The following FGF10 variants were observed in gnomAD, a reference collection of about 807,000 sequenced individuals.
FGF10 encodes the protein fibroblast growth factor 10, also known as FGF-10.
FGF10 carries 2 observed loss-of-function variants against 19.8 expected under a neutral mutation model. That is an observed-to-expected ratio of 0.10 (90% CI 0.04 to 0.32). The LOEUF (loss-of-function observed/expected upper bound fraction) is 0.32. Among genes scored for constraint, FGF10 ranks in the 10% least tolerant of loss-of-function variants. FGF10 has a pLI of 1.00. For missense variants in FGF10, 191 were observed against 246.3 expected, an observed-to-expected ratio of 0.78 and a Z score of 1.50; for synonymous variants, 112 against 94.0, an observed-to-expected ratio of 1.19 and a Z score of -1.10.
At chr5:44,369,519 GACTGTCATTT>G (rs1741698457) in intron 1 of FGF10, among the ~76,000 whole-genome samples, 1 of 152,114 alleles carries the variant, frequency 6.6e-6, no homozygotes, top group Admixed American at 6.5e-5. Flanking sequence ...TTGTTTACAC[GACTGTCATTT>G]GGTGTAGCAT....
At chr5:44,343,084 A>G (rs1385255809) in intron 1 of FGF10, among the ~76,000 whole-genome samples, 1 of 152,022 alleles carries the variant, frequency 6.6e-6, no homozygotes, top group African/African-American at 2.4e-5. Context: ...TAACTCGTCT[A>G]GAGTTTATAG....
chr5:44,344,886 C>CT (rs1170946845), intron 1 of FGF10, among the ~76,000 whole-genome samples: 2 of 150,338 alleles, frequency 1.3e-5, no homozygotes, highest in Non-Finnish European at 2.9e-5. Flanking sequence ...TTGTAGTTTC[C>CT]CTGATTCAAG....
chr5:44,311,573 C>T (rs1271771897), intron 1 of FGF10, among the ~76,000 whole-genome samples: 1 of 151,998 alleles, frequency 6.6e-6, no homozygotes, highest in African/African-American at 2.4e-5. Flanking sequence ...CATAATAGTA[C>T]CTCCCTCATA....
intron 2 of FGF10, 118 bp downstream of exon 2, chr5:44,310,309 T>C (rs1740180804): frequency 1.4e-6 from 1 of 709,414 alleles, no homozygotes; most frequent in South Asian, 1.5e-5. Context: ...TAACCCACTG[T>C]GGCTCTATTT....
At chr5:44,323,922 A>G (rs1446656130) in intron 1 of FGF10, among the ~76,000 whole-genome samples, 1 of 152,168 alleles carries the variant, frequency 6.6e-6, no homozygotes, top group African/African-American at 2.4e-5. Flanking sequence ...AATTGGTGCT[A>G]CAAAATCAAC....
At chr5:44,349,473 A>ATAT (rs1561210430) in intron 1 of FGF10, among the ~76,000 whole-genome samples, 3 of 23,230 alleles carry the variant, frequency 1.3e-4, no homozygotes, top group Non-Finnish European at 2.4e-4. Flanking sequence ...TATATATCAG[A>ATAT]ATATATATAT....
chr5:44,305,709 T>C (rs2111669336), intron 2 of FGF10, among the ~76,000 whole-genome samples: 1 of 152,228 alleles, frequency 6.6e-6, no homozygotes, highest in African/African-American at 2.4e-5. Context: ...ACCACAATAG[T>C]TCTGCATAAC....
intron 1 of FGF10, among the ~76,000 whole-genome samples, chr5:44,384,200 T>G (rs1742049245): frequency 4.6e-5 from 7 of 152,112 alleles, no homozygotes; most frequent in Admixed American, 4.6e-4. Flanking sequence ...CCCTCAGCTG[T>G]AAACAATTAC....
At chr5:44,368,832 A>T (rs907512277) in intron 1 of FGF10, among the ~76,000 whole-genome samples, 27 of 151,416 alleles carry the variant, frequency 1.8e-4, no homozygotes, top group Non-Finnish European at 3.4e-4. Flanking sequence ...TGATTGGCTA[A>T]TTTTTTTTTA....
intron 1 of FGF10, among the ~76,000 whole-genome samples, chr5:44,334,179 C>A (rs1439125978): frequency 6.6e-6 from 1 of 152,020 alleles, no homozygotes; most frequent in Non-Finnish European, 1.5e-5. Context: ...CTTTGTTATG[C>A]CCCATTTTTT....
intron 1 of FGF10, among the ~76,000 whole-genome samples, chr5:44,354,453 A>G (rs555943382): frequency 4.0e-5 from 6 of 151,654 alleles, no homozygotes; most frequent in African/African-American, 1.4e-4. Flanking sequence ...ACTAAAGGAC[A>G]GTTATGTGGG....
At chr5:44,366,494 C>T (rs1196518315) in intron 1 of FGF10, among the ~76,000 whole-genome samples, 2 of 151,872 alleles carry the variant, frequency 1.3e-5, no homozygotes, top group South Asian at 2.1e-4. Context: ...TATGGGCTGA[C>T]GCTTTAAGGG....
chr5:44,366,833 G>T (rs1400401354), intron 1 of FGF10, among the ~76,000 whole-genome samples: 1 of 151,938 alleles, frequency 6.6e-6, no homozygotes, highest in Non-Finnish European at 1.5e-5. Context: ...ATATAGATGT[G>T]GGAGTTTAAT....
At chr5:44,335,225 C>T (rs17234268) in intron 1 of FGF10, among the ~76,000 whole-genome samples, 2 of 151,962 alleles carry the variant, frequency 1.3e-5, no homozygotes, top group African/African-American at 4.8e-5. Context: ...ACAATGATCA[C>T]TCACCAAGAG....
intron 1 of FGF10, among the ~76,000 whole-genome samples, chr5:44,385,974 C>T (rs1433363107): frequency 6.6e-6 from 1 of 152,124 alleles, no homozygotes; most frequent in Non-Finnish European, 1.5e-5. Flanking sequence ...GAACCCCTCC[C>T]CTTTCACTGT....
intron 1 of FGF10, among the ~76,000 whole-genome samples, chr5:44,356,702 T>C (rs917608885): frequency 2.6e-5 from 4 of 151,420 alleles, no homozygotes; most frequent in Admixed American, 6.6e-5. Context: ...AGTCAGACTC[T>C]TCTAGTGAAA....
chr5:44,355,910 A>C (rs1037914832), intron 1 of FGF10, among the ~76,000 whole-genome samples: 3 of 151,576 alleles, frequency 2.0e-5, no homozygotes, highest in African/African-American at 2.4e-5. Flanking sequence ...TGATCCACTA[A>C]TACTTTAACA....
Position 44,348,916 on chromosome 5 carries a change from A to T in FGF10, c.326-38386T>A, listed in dbSNP as rs141994649. Among the ~76,000 whole-genome samples the T allele has an allele frequency of 6.6e-5, 10 of 151,556 alleles. No homozygotes were observed. The East Asian group carries it at 2.0e-3, about 30-fold the overall frequency. On this transcript the variant is annotated intron_variant, in intron 1 of 2. Coordinates refer to ENST00000264664, the MANE Select transcript of FGF10 (RefSeq NM_004465.2). ...ATGCTCAATCTTATGTGTCCACTACAATTCTGATTTCATTTTCTATGACTC... is the reference window on the plus strand; with the variant it reads ...ATGCTCAATCTTATGTGTCCACTACTATTCTGATTTCATTTTCTATGACTC...
chr5:44,366,978 A>G (rs1238656361), intron 1 of FGF10, among the ~76,000 whole-genome samples: 1 of 152,050 alleles, frequency 6.6e-6, no homozygotes, highest in Non-Finnish European at 1.5e-5. Context: ...TTTGTAAAAG[A>G]GTATGTCTTC....
Sources: gnomAD v4.1 joint callset for allele counts (sites outside exome capture counted in the v4.1 genomes callset) on GRCh38, gnomAD v4.1.1 for gene constraint, MANE v1.5 for transcripts, NCBI Gene and HGNC (gene_info 2026-07-23, HGNC 2026-07-21) for gene names.